Variants in PITPNC1 observed in about 807,000 individuals in gnomAD.
The protein encoded by PITPNC1 is cytoplasmic phosphatidylinositol transfer protein 1.
In PITPNC1, 18 loss-of-function variants were observed where a neutral mutation model predicts 44.7. The observed-to-expected ratio is 0.40, with a 90% CI of 0.28 to 0.60. PITPNC1 has a LOEUF of 0.60. PITPNC1 is among the 20% of genes least tolerant of loss of function. PITPNC1 has a pLI of 0.39. For synonymous variants in PITPNC1, 141 were observed against 149.6 expected (o/e 0.94, Z 0.42); for missense variants, 290 against 418.4 (o/e 0.69, Z 2.68).
At chr17:67,626,462 T>C (rs975192061) in intron 5 of PITPNC1, among the ~76,000 whole-genome samples, 2 of 152,106 alleles carry the variant, frequency 1.3e-5, no homozygotes, top group African/African-American at 2.4e-5. Context: ...CTCCACCTCC[T>C]GGGTTCAAGC....
chr17:67,458,405 C>G (rs1263878621), intron 1 of PITPNC1, among the ~76,000 whole-genome samples: 1 of 152,152 alleles, frequency 6.6e-6, no homozygotes, highest in Non-Finnish European at 1.5e-5. Context: ...GTAATTTCCT[C>G]AGATCTGTCT....
chr17:67,409,108 C>T (rs1310078284), intron 1 of PITPNC1, among the ~76,000 whole-genome samples: 13 of 118,622 alleles, frequency 1.1e-4, no homozygotes, highest in South Asian at 2.9e-4. Flanking sequence ...GACGGAGTCT[C>T]GCTCTGTCGC....
At chr17:67,435,447 T>C (rs912406871) in intron 1 of PITPNC1, among the ~76,000 whole-genome samples, 5 of 152,208 alleles carry the variant, frequency 3.3e-5, no homozygotes, top group African/African-American at 1.2e-4. Flanking sequence ...AATGCCTTCT[T>C]CCAGGCCCTG....
At chr17:67,543,828 AC>A (rs2040640749) in intron 2 of PITPNC1, among the ~76,000 whole-genome samples, 1 of 152,186 alleles carries the variant, frequency 6.6e-6, no homozygotes, top group Non-Finnish European at 1.5e-5. Context: ...ATGCATTAGT[AC>A]ATTTACATTA....
At chr17:67,584,401 A>G (rs2041281669) in intron 5 of PITPNC1, among the ~76,000 whole-genome samples, 1 of 152,210 alleles carries the variant, frequency 6.6e-6, no homozygotes. Flanking sequence ...GAAGCTGCCT[A>G]AAAGAAGTGT....
intron 5 of PITPNC1, among the ~76,000 whole-genome samples, chr17:67,629,086 C>T (rs1195763263): frequency 6.6e-6 from 1 of 152,130 alleles, no homozygotes; most frequent in Non-Finnish European, 1.5e-5. Context: ...TGAATTAAAT[C>T]GGAGAAAGCT....
chr17:67,561,567 T>C (rs1014603845), intron 4 of PITPNC1, among the ~76,000 whole-genome samples: 3 of 152,232 alleles, frequency 2.0e-5, no homozygotes, highest in African/African-American at 7.2e-5. Flanking sequence ...AGACAAGTGT[T>C]GATACATCTT....
intron 6 of PITPNC1, among the ~76,000 whole-genome samples, chr17:67,655,843 T>G (rs2042260248): frequency 6.6e-6 from 1 of 151,900 alleles, no homozygotes; most frequent in South Asian, 2.1e-4. Flanking sequence ...GGTGAGAGGA[T>G]CACTTGAGCC....
At chr17:67,423,223 T>C (rs2038696891) in intron 1 of PITPNC1, among the ~76,000 whole-genome samples, 1 of 152,202 alleles carries the variant, frequency 6.6e-6, no homozygotes, top group African/African-American at 2.4e-5. Context: ...TTTTATTTAA[T>C]AGAAATATTG....
chr17:67,397,139 C>G (rs1164936564), intron 1 of PITPNC1, among the ~76,000 whole-genome samples: 1 of 152,098 alleles, frequency 6.6e-6, no homozygotes, highest in Non-Finnish European at 1.5e-5. Flanking sequence ...TGCCACCACG[C>G]CCGGCTAATT....
At chr17:67,434,808 A>ATT (rs55777751) in intron 1 of PITPNC1, among the ~76,000 whole-genome samples, 2 of 8,212 alleles carry the variant, frequency 2.4e-4, no homozygotes, top group Admixed American at 8.0e-4. Context: ...AAAAAAAAAA[A>ATT]AAAAATAAAA....
intron 3 of PITPNC1, 111 bp downstream of exon 3, chr17:67,552,456 G>A (rs1021337029): frequency 6.2e-5 from 42 of 679,190 alleles, no homozygotes; most frequent in African/African-American, 5.9e-4. Flanking sequence ...TGGGAGCCCC[G>A]TAGTATCCCT....
At chr17:67,386,225 C>T (rs1214625685) in intron 1 of PITPNC1, among the ~76,000 whole-genome samples, 1 of 152,154 alleles carries the variant, frequency 6.6e-6, no homozygotes, top group Non-Finnish European at 1.5e-5. Context: ...GAGTTTTGCT[C>T]TTGTCGCCCA....
chr17:67,451,500 T>C (rs779866767), intron 1 of PITPNC1, among the ~76,000 whole-genome samples: 3 of 152,172 alleles, frequency 2.0e-5, no homozygotes, highest in Non-Finnish European at 4.4e-5. Context: ...CCTCCTTGCC[T>C]GTTTGTGGTC....
Position 67,377,759 on chromosome 17 carries a change from T to G in PITPNC1, c.-396T>G. On this transcript the variant is annotated 5_prime_UTR_variant, in exon 1 of 9. Coordinates refer to ENST00000581322, the MANE Select transcript of PITPNC1 (RefSeq NM_012417.4). ...GGATCGAGCGGGTGACTTTTGTGCA[T>G]TCGTTTTAATTTTTGGAAATCTCTC... is the stretch of plus-strand genomic sequence containing the variant. The G allele has an allele frequency of 5.2e-5, 9 of 172,940 alleles. No homozygotes were observed. The highest frequency in any genetic ancestry group is 9.7e-5 in the Non-Finnish European group (8 of 82,098). The allele number at this position is 172,940 out of a possible 1,614,324, so 10.7% of individuals were successfully genotyped here.
chr17:67,555,873 C>T (rs1396216684), intron 4 of PITPNC1, among the ~76,000 whole-genome samples: 2 of 151,822 alleles, frequency 1.3e-5, no homozygotes, highest in South Asian at 2.1e-4. Context: ...ATTAAGTCAA[C>T]GGTCATTTAT....
chr17:67,682,115 C>T (rs2042719731), intron 8 of PITPNC1, among the ~76,000 whole-genome samples: 1 of 152,012 alleles, frequency 6.6e-6, no homozygotes, highest in Non-Finnish European at 1.5e-5. Flanking sequence ...GCAGGAGAAT[C>T]GCTTGAACCT....
chr17:67,689,705 G>T (rs1487575018), intron 8 of PITPNC1, among the ~76,000 whole-genome samples: 6 of 152,184 alleles, frequency 3.9e-5, no homozygotes, highest in African/African-American at 1.2e-4. Context: ...AGAGCCTCTG[G>T]GAGTGGAAAA....
chr17:67,580,350 T>G (rs2041212769), intron 5 of PITPNC1, among the ~76,000 whole-genome samples: 1 of 152,152 alleles, frequency 6.6e-6, no homozygotes. Context: ...TGGGGGAATT[T>G]TTTTTTTCTT....
Sources: gnomAD v4.1 joint callset for allele counts (sites outside exome capture counted in the v4.1 genomes callset) on GRCh38, gnomAD v4.1.1 for gene constraint, MANE v1.5 for transcripts, NCBI Gene and HGNC (gene_info 2026-07-23, HGNC 2026-07-21) for gene names.